The following SNRNP200 variants were observed in gnomAD, a reference collection of about 807,000 sequenced individuals.
The protein encoded by SNRNP200 is U5 small nuclear ribonucleoprotein 200 kDa helicase.
A neutral mutation model predicts 255.2 loss-of-function variants in SNRNP200; 66 were observed. The observed-to-expected ratio is 0.26, with a 90% CI of 0.21 to 0.32. The LOEUF is 0.32. Ranked by LOEUF, SNRNP200 falls within the 10% of genes least tolerant of loss-of-function variation. The pLI, the probability that SNRNP200 is intolerant of heterozygous loss-of-function variation, is 1.00. For missense variants in SNRNP200, 1,585 were observed against 2,749.8 expected, an observed-to-expected ratio of 0.58 and a Z score of 9.47; for synonymous variants, 939 against 1,027.8, an observed-to-expected ratio of 0.91 and a Z score of 1.65.
At position 96,290,599 on chromosome 2, in the gene SNRNP200, C is replaced by A; in HGVS notation, c.2553+85G>T. ...AGGTATCTACATTACAGAACTAGAC[C>A]TCTGATCTGCTAGCTTTCCAGCATC... On this transcript the variant is annotated intron_variant, in intron 19 of 44. Transcript: ENST00000323853. The surrounding 1 kb of genome is among the most constrained non-coding windows in gnomAD (Gnocchi z 4.5). The A allele has an allele frequency of 1.9e-6, 3 of 1,612,532 alleles. No individual in the cohort carries two copies. In the South Asian group the frequency reaches 3.3e-5, roughly 18 times the overall value.
chr2:96,285,189 C>T lies in SNRNP200; in HGVS notation c.4155G>A (p.Leu1385=). 1 of 1,614,088 alleles carries T rather than the reference C, an allele frequency of 6.2e-7. No homozygotes were observed. Among genetic ancestry groups the T allele is most frequent in the Non-Finnish European group, 8.5e-7 (1 of 1,180,026 alleles). The change falls in exon 30 of 45, where the codon CTG becomes CTA. Residue 1385 remains leucine, a synonymous_variant. Coordinates refer to ENST00000323853, the MANE Select transcript of SNRNP200 (RefSeq NM_014014.5). The part of the protein sequence containing the change: ...RCVYITPMEA[L]AEQVYMDWYE... ...CAGCGCCACGTCATACCTGCTCTGC[C>T]AGGGCCTCCATGGGGGTGATGTACA...
Position 96,279,562 on chromosome 2 carries a change from G to T in SNRNP200, c.5025-3C>A. ...CATAGATGGGGTAATCCACATAGCT[G>T]GTGACAGAAGCAGGGAAAGAAGGAA... On this transcript the variant is annotated splice_polypyrimidine_tract_variant and splice_region_variant and intron_variant, in intron 35 of 44. Transcript: ENST00000323853. 6.2e-7 allele frequency: 1 copy of T among 1,602,406 alleles called. No individual in the cohort carries two copies.
Position 96,289,802 on chromosome 2 carries a change from G to C in SNRNP200, c.2937C>G (p.Phe979Leu). ...LVKYDKKTGN[F>L]QVTELGRIAS... Reference sequence around the variant, plus strand: ...TCAAAACCCTCACCCCACGCACCTGGAAGTTGCCCGTCTTCTTGTCGTACT... The same window carrying C: ...TCAAAACCCTCACCCCACGCACCTGCAAGTTGCCCGTCTTCTTGTCGTACT... Residue 979 changes from phenylalanine (F) to leucine (L), a missense_variant, in exon 21 of 45, where the codon TTC becomes TTG. Phe to Leu is a conservative substitution (Grantham distance 22). Coordinates refer to ENST00000323853, the MANE Select transcript of SNRNP200 (RefSeq NM_014014.5). 6.2e-7 allele frequency: 1 copy of C among 1,614,004 alleles called. No individual in the cohort carries two copies.
chr2:96,274,876 A>G lies in SNRNP200; in HGVS notation c.*136T>C. ...TGAGCAAGGGAAAGGAAGTGGAGGT[A>G]GGCGGGGACAGCACCAGCCCTGGCT... is the stretch of plus-strand genomic sequence containing the variant. On this transcript the variant is annotated 3_prime_UTR_variant, in exon 45 of 45. Coordinates refer to ENST00000323853, the MANE Select transcript of SNRNP200 (RefSeq NM_014014.5). 1.1e-6 allele frequency: 1 copy of G among 900,068 alleles called. No individual in the cohort carries two copies. Among genetic ancestry groups the G allele is most frequent in the Non-Finnish European group, 1.8e-6 (1 of 543,492 alleles). The allele number at this position is 900,068 out of a possible 1,614,324, so 55.8% of individuals were successfully genotyped here. A position where few individuals can be genotyped will look rare whatever the true frequency, so the allele number is the denominator to read the frequency against.
In SNRNP200 at chr2:96,275,245, G is replaced by A. The variant is rs367869529; in HGVS notation, c.6267+12C>T. Reference sequence around the variant, plus strand: ...TGCCAGAACAAATGCTAGGGCCAGTGGACACACTCACCTTGGCCTTCTGCT... The same window carrying A: ...TGCCAGAACAAATGCTAGGGCCAGTAGACACACTCACCTTGGCCTTCTGCT... On this transcript the variant is annotated intron_variant, in intron 44 of 44. Transcript: ENST00000323853. 6.2e-7 allele frequency: 1 copy of A among 1,613,916 alleles called. No homozygotes were observed. The highest frequency in any genetic ancestry group is 8.5e-7 in the Non-Finnish European group (1 of 1,179,914).
intron 35 of SNRNP200, 129 bp downstream of exon 35, chr2:96,281,685 T>C: frequency 1.3e-6 from 1 of 774,266 alleles, no homozygotes; most frequent in South Asian, 1.4e-5. Context: ...CACTTGGCTC[T>C]GGTGGCATCT....
At position 96,290,063 on chromosome 2, in the gene SNRNP200, G is replaced by T; in HGVS notation, c.2743-67C>A. 1.4e-6 allele frequency: 2 copies of T among 1,445,584 alleles called. No individual in the cohort carries two copies. Among genetic ancestry groups the T allele is most frequent in the Non-Finnish European group, 1.9e-6 (2 of 1,027,612 alleles). 89.5% of individuals were successfully genotyped at this position (1,445,584 alleles called of 1,614,324 possible). ...TGATGTCCAAATGACAGGCTCCCAT[G>T]AATTGCTTAGAAATTAATTCCCAAC... On this transcript the variant is annotated intron_variant, in intron 20 of 44. Transcript: ENST00000323853. This position sits in a 1 kb window ranked among gnomAD's most constrained non-coding sequence, Gnocchi z 4.5.
chr2:96,293,618 G>T, intron 14 of SNRNP200, 109 bp from the exon 15 acceptor site: 1 of 1,020,920 alleles, frequency 9.8e-7, no homozygotes, highest in Non-Finnish European at 1.5e-6. Flanking sequence ...TAAGAAAAAA[G>T]ACAAGGGATC....
chr2:96,301,295 T>G (rs1215604170), intron 4 of SNRNP200, among the ~76,000 whole-genome samples: 1 of 152,228 alleles, frequency 6.6e-6, no homozygotes, highest in Non-Finnish European at 1.5e-5. Context: ...CCCCCAAGGC[T>G]CTGCCCACAT....
In SNRNP200 at chr2:96,278,430, G is replaced by A; in HGVS notation, c.5489-72C>T. On this transcript the variant is annotated intron_variant, in intron 38 of 44. Coordinates refer to ENST00000323853, the MANE Select transcript of SNRNP200 (RefSeq NM_014014.5). This position sits in a 1 kb window ranked among gnomAD's most constrained non-coding sequence, Gnocchi z 6.9. ...GGAGCAGAACTGCCCGGGCTCCCCTGCTGTCCCCTGCAGTGTCATCCCGCT... is the reference window on the plus strand; with the variant it reads ...GGAGCAGAACTGCCCGGGCTCCCCTACTGTCCCCTGCAGTGTCATCCCGCT... 1 of 1,611,994 alleles carries A rather than the reference G, an allele frequency of 6.2e-7. No homozygotes were observed. Among genetic ancestry groups the A allele is most frequent in the South Asian group, 1.1e-5 (1 of 90,854 alleles).
At chr2:96,300,959 G>A (rs181808952) in intron 5 of SNRNP200, 39 bp downstream of exon 5, 22 of 1,580,326 alleles carry the variant, frequency 1.4e-5, no homozygotes, top group Middle Eastern at 1.7e-4. Context: ...CTTAATCAAC[G>A]TCAAAAACAA....
chr2:96,303,067 A>C, intron 3 of SNRNP200, 92 bp downstream of exon 3: 2 of 1,374,270 alleles, frequency 1.5e-6, no homozygotes, highest in South Asian at 1.2e-5. Context: ...ACAAAAAGAT[A>C]CTTAGCACTT....
At position 96,287,734 on chromosome 2, in the gene SNRNP200, C is replaced by T. The variant is rs866535737; in HGVS notation, c.3365+129G>A. The T allele has an allele frequency of 5.5e-5, 52 of 947,668 alleles. No individual in the cohort carries two copies. In the Middle Eastern group the frequency reaches 2.3e-3, roughly 42 times the overall value. The allele number at this position is 947,668 out of a possible 1,614,324, so 58.7% of individuals were successfully genotyped here. A position where few individuals can be genotyped will look rare whatever the true frequency, so the allele number is the denominator to read the frequency against. ...GAGGGCCTTCCCTCTTCTCAATGTG[C>T]ACCAAGGTTCAGGTCATACTTCCGA... On this transcript the variant is annotated intron_variant, in intron 25 of 44. Transcript: ENST00000323853. The surrounding 1 kb of genome is among the most constrained non-coding windows in gnomAD (Gnocchi z 5.7).
In SNRNP200 at chr2:96,277,393, C is replaced by G; in HGVS notation, c.5931+146G>C. 1.6e-6 allele frequency: 2 copies of G among 1,270,960 alleles called. No homozygotes were observed. Among genetic ancestry groups the G allele is most frequent in the East Asian group, 2.3e-5 (1 of 43,002 alleles). The allele number at this position is 1,270,960 out of a possible 1,614,324, so 78.7% of individuals were successfully genotyped here. A position where few individuals can be genotyped will look rare whatever the true frequency, so the allele number is the denominator to read the frequency against. On this transcript the variant is annotated intron_variant, in intron 41 of 44. Transcript: ENST00000323853. This position sits in a 1 kb window ranked among gnomAD's most constrained non-coding sequence, Gnocchi z 4.4. ...GAACACAGCCCACAGTTGGCAGGCTCTCTAGCATCTCAACAGGGAGCACCT... is the reference window on the plus strand; with the variant it reads ...GAACACAGCCCACAGTTGGCAGGCTGTCTAGCATCTCAACAGGGAGCACCT...
intron 34 of SNRNP200, chr2:96,282,336 G>A: frequency 4.5e-6 from 1 of 221,610 alleles, no homozygotes; most frequent in Non-Finnish European, 9.4e-6. Context: ...AAGTGATTCT[G>A]GCAGAAGAAT....
At chr2:96,284,177 A>G (rs1175314482) in intron 31 of SNRNP200, 173 bp from the exon 32 acceptor site, 2 of 848,330 alleles carry the variant, frequency 2.4e-6, no homozygotes, top group South Asian at 2.9e-5. Context: ...TCCACTAAAC[A>G]ATACTGTTTT....
In SNRNP200 at chr2:96,278,264, C is replaced by T. The variant is rs370849453; in HGVS notation, c.5583G>A (p.Arg1861=). 1.5e-5 allele frequency: 25 copies of T among 1,614,064 alleles called. No homozygotes were observed. The highest frequency in any genetic ancestry group is 2.0e-5 in the Non-Finnish European group (24 of 1,180,048). Residue 1861 remains arginine (R), a synonymous_variant, in exon 39 of 45, where the codon CGG becomes CGA. Transcript: ENST00000323853. The surrounding 1 kb of genome is among the most constrained non-coding windows in gnomAD (Gnocchi z 6.9). ...NAAEYENIPI[R]HHEDNLLRQL... Reference sequence around the variant, plus strand: ...GCCTCAGGAGATTGTCTTCATGGTGCCGGATGGGAATGTTCTCATACTCTG... The same window carrying T: ...GCCTCAGGAGATTGTCTTCATGGTGTCGGATGGGAATGTTCTCATACTCTG...
At position 96,289,807 on chromosome 2, in the gene SNRNP200, T is replaced by G; in HGVS notation, c.2932A>C (p.Asn978His). Residue 978 changes from asparagine to histidine, a missense_variant, in exon 21 of 45, where the codon AAC becomes CAC. Transcript: ENST00000323853. ...NLVKYDKKTG[N>H]FQVTELGRIA... ...ACCCTCACCCCACGCACCTGGAAGT[T>G]GCCCGTCTTCTTGTCGTACTTGACC... 6.2e-7 allele frequency: 1 copy of G among 1,614,100 alleles called. No individual in the cohort carries two copies. The highest frequency in any genetic ancestry group is 8.5e-7 in the Non-Finnish European group (1 of 1,180,042).
In SNRNP200 at chr2:96,289,159, G is replaced by A. The variant is rs146137055; in HGVS notation, c.3094-42C>T. ...AAGGTCAAGGGAAAGCCTTGTGGCC[G>A]AGGAGGGACACCATTCAGTGACTTG... is the stretch of plus-strand genomic sequence containing the variant. On this transcript the variant is annotated intron_variant, in intron 22 of 44. Transcript: ENST00000323853. 4.0e-3 allele frequency: 6,499 copies of A among 1,613,618 alleles called. 19 individuals carry two copies. The highest frequency in any genetic ancestry group is 6.8e-3 in the Admixed American group (410 of 60,004).
Sources: allele counts gnomAD v4.1 joint callset (sites outside exome capture counted in the v4.1 genomes callset), GRCh38; gene constraint gnomAD v4.1.1; non-coding constraint Gnocchi (gnomAD v3.1); transcripts MANE v1.5; gene names NCBI Gene and HGNC (gene_info 2026-07-23, HGNC 2026-07-21).